Variants in GALNT9 observed in about 807,000 individuals in gnomAD.
GALNT9 encodes the protein GalNAc transferase 9.
A neutral mutation model predicts 63.1 loss-of-function variants in GALNT9; 47 were observed. The ratio of observed to expected loss-of-function variants is 0.75; its 90% CI spans 0.59 to 0.95. The LOEUF (loss-of-function observed/expected upper bound fraction) is 0.95, where lower values mean the gene tolerates loss of function less well. GALNT9 is among the 40% of genes least tolerant of loss of function. The probability of loss-of-function intolerance (pLI) is 0.00; values close to 1 mark genes in which losing one functional copy is unlikely to be tolerated. For missense variants in GALNT9, 829 were observed against 874.8 expected (o/e 0.95, Z 0.66); for synonymous variants, 396 against 365.7 (o/e 1.08, Z -0.94).
Position 132,286,430 on chromosome 12 carries a change from C to T in GALNT9, c.239G>A (p.Gly80Asp). The stretch of plus-strand genomic sequence containing the variant: ...CACCAGGCCGATGGGCTTGGCAAGG[C>T]CTGGGGGAAAGGAAGAGAGGGAGGT... ...LEEVVYNQLN[G>D]LAKPIGLVEG... Residue 80 changes from glycine to aspartate, a missense_variant and splice_region_variant, in exon 2 of 11, where the codon GGC (glycine) becomes GAC (aspartate). Gly to Asp is a moderately conservative substitution (Grantham distance 94). Transcript: ENST00000328957. This position sits in a 1 kb window ranked among gnomAD's most constrained non-coding sequence, Gnocchi z 7.4. The T allele has an allele frequency of 6.5e-7, 1 of 1,548,386 alleles. No individual in the cohort carries two copies. Among genetic ancestry groups the T allele is most frequent in the Middle Eastern group, 1.8e-4 (1 of 5,624 alleles).
In GALNT9 at chr12:132,261,029, C is replaced by G. The variant is rs781946302; in HGVS notation, c.680G>C (p.Arg227Pro). 1.9e-6 allele frequency: 3 copies of G among 1,551,052 alleles called. No individual in the cohort carries two copies. ...CGCCTTCCAGCCCTGCAGCCGCGCG[C>G]GGATCAGTCCTTCCCGCCGGCTGTT... The part of the protein sequence containing the change: ...VRNSRREGLI[R>P]ARLQGWKAAT... The change falls in exon 4 of 11, where the codon CGC (arginine) becomes CCC (proline). Residue 227 changes from arginine to proline, a missense_variant. Transcript: ENST00000328957.
At chr12:132,309,396 T>C (rs543163715) in intron 1 of GALNT9, among the ~76,000 whole-genome samples, 1 of 152,198 alleles carries the variant, frequency 6.6e-6, no homozygotes, top group East Asian at 1.9e-4. Flanking sequence ...AGCAGGATGG[T>C]GGGTTGAATG....
chr12:132,254,121 A>G (rs1476563869), intron 5 of GALNT9, among the ~76,000 whole-genome samples: 1 of 151,640 alleles, frequency 6.6e-6, no homozygotes, highest in Non-Finnish European at 1.5e-5. Context: ...TCCTCTGTTC[A>G]AGCAATTCTC....
chr12:132,230,488 G>A (rs1396927170), intron 6 of GALNT9, among the ~76,000 whole-genome samples: 3 of 152,228 alleles, frequency 2.0e-5, no homozygotes, highest in South Asian at 2.1e-4. Flanking sequence ...CATAACCCAC[G>A]CGGGCTGGGG....
Position 132,238,935 on chromosome 12 carries a change from GAT to G in GALNT9, c.1077+8973_1077+8974del, listed in dbSNP as rs1878102059. ...ATAACTGTACAAATAAATACAATAA[GAT>G]ACACACCGCAGTTAAAGTGGTTGGA... On this transcript the variant is annotated intron_variant, in intron 6 of 10. Transcript: ENST00000328957. The surrounding 1 kb of genome is among the most constrained non-coding windows in gnomAD (Gnocchi z 6.5). Among the ~76,000 whole-genome samples, 1 of 152,174 alleles carries G rather than the reference GAT, an allele frequency of 6.6e-6. No homozygotes were observed.
chr12:132,212,054 C>G (rs1486053569), intron 6 of GALNT9, among the ~76,000 whole-genome samples: 1 of 152,254 alleles, frequency 6.6e-6, no homozygotes, highest in Non-Finnish European at 1.5e-5. Context: ...AGGCCCCACC[C>G]AGCCAGGCAT....
intron 2 of GALNT9, among the ~76,000 whole-genome samples, chr12:132,281,455 T>G (rs1051519886): frequency 1.4e-4 from 21 of 152,318 alleles, no homozygotes; most frequent in Non-Finnish European, 1.3e-4. Flanking sequence ...TCACTTTTTT[T>G]GGGAAAGAAA....
chr12:132,295,425 TG>T lies in GALNT9; in HGVS notation c.239-8996del, dbSNP rs1555243135. On this transcript the variant is annotated intron_variant, in intron 1 of 10. Coordinates refer to ENST00000328957, the MANE Select transcript of GALNT9 (RefSeq NM_001122636.2). ...AGGCAGAGTCCCAGCCCTGGGGACC[TG>T]TGAACAGGATCTTATCTGGAAACGG... Among the ~76,000 whole-genome samples the T allele has an allele frequency of 6.3e-3, 963 of 152,380 alleles. 10 individuals carry two copies. Among genetic ancestry groups the T allele is most frequent in the African/African-American group, 0.022 (916 of 41,592 alleles).
chr12:132,199,326 G>A (rs1875810149), intron 8 of GALNT9, 57 bp from the exon 9 acceptor site: 2 of 1,255,942 alleles, frequency 1.6e-6, no homozygotes, highest in Non-Finnish European at 2.3e-6. Flanking sequence ...CGGCCCCAGG[G>A]AGCTTCACGC....
At chr12:132,259,509 G>A (rs1555239505) in intron 4 of GALNT9, among the ~76,000 whole-genome samples, 1 of 152,218 alleles carries the variant, frequency 6.6e-6, no homozygotes, top group African/African-American at 2.4e-5. Flanking sequence ...GAGGGCACAG[G>A]GCAGAGGAGG....
intron 2 of GALNT9, chr12:132,284,411 G>A (rs1294194391): frequency 2.0e-5 from 3 of 152,244 alleles, no homozygotes; most frequent in Non-Finnish European, 2.9e-5. Context: ...CCTGTAGCTG[G>A]CGCCACATGA....
intron 1 of GALNT9, among the ~76,000 whole-genome samples, chr12:132,314,107 A>C (rs1428335003): frequency 1.9e-5 from 1 of 51,712 alleles, no homozygotes; most frequent in African/African-American, 8.4e-5. Flanking sequence ...CCACCCACCC[A>C]TCCATCCACC....
chr12:132,292,464 C>T (rs919505832), intron 1 of GALNT9, among the ~76,000 whole-genome samples: 1 of 152,192 alleles, frequency 6.6e-6, no homozygotes, highest in Non-Finnish European at 1.5e-5. Flanking sequence ...CTGGGCCGGA[C>T]CCGAGTCTCT....
intron 6 of GALNT9, among the ~76,000 whole-genome samples, chr12:132,210,342 C>T (rs1223748822): frequency 6.6e-6 from 1 of 152,226 alleles, no homozygotes; most frequent in Non-Finnish European, 1.5e-5. Flanking sequence ...TGAAGTCGGA[C>T]CTGTTCTTCT....
chr12:132,301,364 C>A (rs1276361476), intron 1 of GALNT9, among the ~76,000 whole-genome samples: 4 of 152,268 alleles, frequency 2.6e-5, no homozygotes, highest in African/African-American at 9.6e-5. Flanking sequence ...GCTTCCACTC[C>A]GCGCCCTGTT....
chr12:132,277,356 A>C (rs1253478575), intron 2 of GALNT9: 2 of 154,868 alleles, frequency 1.3e-5, no homozygotes, highest in African/African-American at 2.4e-5. Flanking sequence ...CCCAAGTGTC[A>C]CCGCGATGCC....
At chr12:132,323,247 C>A (rs1868883267) in intron 1 of GALNT9, among the ~76,000 whole-genome samples, 1 of 152,222 alleles carries the variant, frequency 6.6e-6, no homozygotes, top group Non-Finnish European at 1.5e-5. Flanking sequence ...GGTTGCTGTG[C>A]TGAATTGTAA....
chr12:132,229,014 A>G (rs1027345798), intron 6 of GALNT9, among the ~76,000 whole-genome samples: 1 of 152,170 alleles, frequency 6.6e-6, no homozygotes, highest in East Asian at 1.9e-4. Flanking sequence ...ACGGGTGCAC[A>G]GGAGCCAGGG....
At position 132,196,662 on chromosome 12, in the gene GALNT9, G is replaced by A. The variant is rs1009302572; in HGVS notation, c.*445C>T. On this transcript the variant is annotated 3_prime_UTR_variant, in exon 11 of 11. Transcript: ENST00000328957. The stretch of plus-strand genomic sequence containing the variant: ...TGATGTGTGACTTAGGTCTTGGTTG[G>A]AGGGCTGAGCGGCCGCAAGTGCTGG... 2 of 1,001,208 alleles carry A rather than the reference G, an allele frequency of 2.0e-6. No homozygotes were observed. The highest frequency in any genetic ancestry group is 8.8e-5 in the South Asian group (2 of 22,614). 62.0% of individuals were successfully genotyped at this position (1,001,208 alleles called of 1,614,324 possible).
Sources: allele counts gnomAD v4.1 joint callset (sites outside exome capture counted in the v4.1 genomes callset), GRCh38; gene constraint gnomAD v4.1.1; non-coding constraint Gnocchi (gnomAD v3.1); transcripts MANE v1.5; gene names NCBI Gene and HGNC (gene_info 2026-07-23, HGNC 2026-07-21).